Variants in CDH9 observed in about 807,000 individuals in gnomAD.
The protein encoded by CDH9 is cadherin-9.
Under a neutral mutation model 70.9 loss-of-function variants are expected in CDH9, and 28 were observed. That is an observed-to-expected ratio of 0.40 (90% CI 0.29 to 0.54). The LOEUF (loss-of-function observed/expected upper bound fraction) is 0.54. Ranked by LOEUF, CDH9 falls within the 20% of genes least tolerant of loss-of-function variation. The pLI is 0.59. For synonymous variants in CDH9, 409 were observed against 343.1 expected (o/e 1.19, Z -2.12); for missense variants, 874 against 984.4 (o/e 0.89, Z 1.50).
intron 3 of CDH9, among the ~76,000 whole-genome samples, chr5:26,915,100 A>G (rs1335632647): frequency 6.6e-6 from 1 of 152,018 alleles, no homozygotes; most frequent in South Asian, 2.1e-4. Flanking sequence ...TCATGATGCT[A>G]CCAGGTTATT....
intron 1 of CDH9, among the ~76,000 whole-genome samples, chr5:27,008,260 C>T (rs571538866): frequency 2.1e-4 from 32 of 152,060 alleles, no homozygotes; most frequent in African/African-American, 6.5e-4. Context: ...TTTTGGGAGG[C>T]GGGTGGATCA....
At chr5:26,897,117 A>G (rs997443732) in intron 7 of CDH9, among the ~76,000 whole-genome samples, 1 of 152,170 alleles carries the variant, frequency 6.6e-6, no homozygotes, top group East Asian at 1.9e-4. Context: ...AGACTAAACC[A>G]GGAAGAAGTT....
chr5:26,939,495 A>AAT (rs976428066), intron 2 of CDH9, among the ~76,000 whole-genome samples: 4 of 151,384 alleles, frequency 2.6e-5, no homozygotes, highest in East Asian at 1.9e-4. Context: ...ACTGTTAATA[A>AAT]ATATATATAT....
At chr5:26,923,785 G>A (rs191293067) in intron 2 of CDH9, among the ~76,000 whole-genome samples, 128 of 152,036 alleles carry the variant, frequency 8.4e-4, no homozygotes, top group Middle Eastern at 6.8e-3. Context: ...CAAACACATC[G>A]AAATTAATCA....
At chr5:26,979,692 G>GA (rs1742366860) in intron 2 of CDH9, among the ~76,000 whole-genome samples, 1 of 151,728 alleles carries the variant, frequency 6.6e-6, no homozygotes. Context: ...GAGAGCAAGA[G>GA]AATGATAAAA....
intron 2 of CDH9, among the ~76,000 whole-genome samples, chr5:26,942,165 A>G (rs2112036668): frequency 6.6e-6 from 1 of 152,338 alleles, no homozygotes; most frequent in Admixed American, 6.5e-5. Context: ...CCTTATTCAC[A>G]TGGTGGCAGA....
chr5:26,894,259 T>G (rs528699712), intron 7 of CDH9, among the ~76,000 whole-genome samples: 1 of 152,248 alleles, frequency 6.6e-6, no homozygotes, highest in African/African-American at 2.4e-5. Context: ...AAAATAAAAT[T>G]TCCTTTTGTG....
chr5:26,966,020 G>T (rs1471566883), intron 2 of CDH9, among the ~76,000 whole-genome samples: 1 of 152,148 alleles, frequency 6.6e-6, no homozygotes, highest in African/African-American at 2.4e-5. Context: ...AAACCTGTGT[G>T]TTCTAATCAA....
At chr5:26,961,970 T>C (rs1360865992) in intron 2 of CDH9, among the ~76,000 whole-genome samples, 1 of 152,128 alleles carries the variant, frequency 6.6e-6, no homozygotes, top group African/African-American at 2.4e-5. Flanking sequence ...ATGCTATCCC[T>C]TCCCTCGCCC....
intron 1 of CDH9, among the ~76,000 whole-genome samples, chr5:27,027,287 A>G (rs1743236227): frequency 1.3e-5 from 2 of 152,042 alleles, no homozygotes; most frequent in South Asian, 2.1e-4. Flanking sequence ...TGTCAACTTA[A>G]GGAACCTTAT....
chr5:26,898,561 G>A (rs902741514), intron 7 of CDH9, among the ~76,000 whole-genome samples: 1 of 152,142 alleles, frequency 6.6e-6, no homozygotes, highest in African/African-American at 2.4e-5. Context: ...ACAAAAGCAA[G>A]AAATGGGGAA....
At chr5:27,002,102 G>T (rs1048254552) in intron 1 of CDH9, among the ~76,000 whole-genome samples, 1 of 152,154 alleles carries the variant, frequency 6.6e-6, no homozygotes, top group South Asian at 2.1e-4. Flanking sequence ...CCATCAAAAA[G>T]TGGGGGAGGA....
intron 2 of CDH9, among the ~76,000 whole-genome samples, chr5:26,978,614 T>C (rs1198942251): frequency 6.6e-6 from 1 of 151,036 alleles, no homozygotes; most frequent in Non-Finnish European, 1.5e-5. Context: ...AATTTTAAAA[T>C]CCAATGAAAA....
chr5:26,960,842 T>G (rs1561019263), intron 2 of CDH9, among the ~76,000 whole-genome samples: 1 of 152,238 alleles, frequency 6.6e-6, no homozygotes, highest in South Asian at 2.1e-4. Flanking sequence ...GATTTTATTT[T>G]CATATGCATG....
intron 1 of CDH9, among the ~76,000 whole-genome samples, chr5:27,007,659 A>T (rs916044938): frequency 5.3e-5 from 8 of 152,120 alleles, no homozygotes; most frequent in Non-Finnish European, 7.4e-5. Context: ...GACCTATGAA[A>T]TACTTTTTAA....
intron 1 of CDH9, among the ~76,000 whole-genome samples, chr5:26,995,044 T>G (rs560264448): frequency 6.6e-6 from 1 of 152,324 alleles, no homozygotes; most frequent in East Asian, 1.9e-4. Context: ...GATTTACCAC[T>G]ACTTTTATTA....
intron 2 of CDH9, among the ~76,000 whole-genome samples, chr5:26,987,803 G>A (rs745470266): frequency 6.6e-6 from 1 of 151,832 alleles, no homozygotes; most frequent in Non-Finnish European, 1.5e-5. Context: ...ACTATCAATC[G>A]ATCTCAAGGA....
intron 7 of CDH9, among the ~76,000 whole-genome samples, chr5:26,894,737 T>TATCTCTATG (rs1740717041): frequency 6.6e-6 from 1 of 152,070 alleles, no homozygotes; most frequent in South Asian, 2.1e-4. Flanking sequence ...AGAACAAAGC[T>TATCTCTATG]ATCTCTATGT....
intron 2 of CDH9, among the ~76,000 whole-genome samples, chr5:26,923,843 A>G (rs1001313091): frequency 1.3e-5 from 2 of 152,070 alleles, no homozygotes; most frequent in African/African-American, 4.8e-5. Flanking sequence ...TAAGAAGAAA[A>G]TTAGAAAAGT....
Sources: allele counts gnomAD v4.1 joint callset (sites outside exome capture counted in the v4.1 genomes callset), GRCh38; gene constraint gnomAD v4.1.1; transcripts MANE v1.5; gene names NCBI Gene and HGNC (gene_info 2026-07-23, HGNC 2026-07-21).